The following KIF21A variants were observed in gnomAD, a reference collection of about 807,000 sequenced individuals.
KIF21A encodes kinesin-like protein KIF21A.
KIF21A carries 114 observed loss-of-function variants against 202.9 expected under a neutral mutation model. The observed-to-expected ratio is 0.56, with a 90% CI of 0.48 to 0.66. The LOEUF (loss-of-function observed/expected upper bound fraction) is 0.66. Among genes scored for constraint, KIF21A ranks in the 30% least tolerant of loss-of-function variants. The pLI is 0.00. For synonymous variants in KIF21A, 667 were observed against 670.8 expected (o/e 0.99, Z 0.09); for missense variants, 1,677 against 1,994.9 (o/e 0.84, Z 3.04).
chr12:39,394,834 G>A (rs1009696033), intron 1 of KIF21A, among the ~76,000 whole-genome samples: 2 of 152,160 alleles, frequency 1.3e-5, no homozygotes, highest in African/African-American at 4.8e-5. Context: ...GGGATGGGGG[G>A]CGGGGGAGTT....
intron 1 of KIF21A, among the ~76,000 whole-genome samples, chr12:39,418,032 AC>A (rs1953923569): frequency 6.6e-6 from 1 of 151,966 alleles, no homozygotes; most frequent in Admixed American, 6.6e-5. Context: ...ACATGGTGCA[AC>A]CCCATCTCTA....
chr12:39,349,481 A>G (rs1409364657), intron 11 of KIF21A, among the ~76,000 whole-genome samples: 2 of 152,056 alleles, frequency 1.3e-5, no homozygotes. Context: ...ATGCATCCAA[A>G]CAGGAGCTAT....
chr12:39,395,625 T>G (rs187721512), intron 1 of KIF21A, among the ~76,000 whole-genome samples: 9,610 of 152,086 alleles, frequency 0.063, 1,019 homozygotes, highest in African/African-American at 0.22. Context: ...GCGGGTCTCC[T>G]GAGGTCAGGA....
At position 39,353,502 on chromosome 12, in the gene KIF21A, T is replaced by C. The variant is rs549055637; in HGVS notation, c.1470-1522A>G. 2.0e-5 allele frequency among the ~76,000 whole-genome samples: 3 copies of C among 152,274 alleles called. No individual in the cohort carries two copies. The East Asian group carries it at 5.8e-4, about 29-fold the overall frequency. ...AACTCAAAGTTAAAATTCATGATTA[T>C]CAAACAACAGAAAAGTACAAATAAT... On this transcript the variant is annotated intron_variant, in intron 10 of 37. Coordinates refer to ENST00000361418, the MANE Select transcript of KIF21A (RefSeq NM_001173464.2).
chr12:39,433,247 C>T (rs1938207127), intron 1 of KIF21A, among the ~76,000 whole-genome samples: 1 of 152,202 alleles, frequency 6.6e-6, no homozygotes, highest in South Asian at 2.1e-4. Flanking sequence ...ACAAGATATA[C>T]TTTCTGGTTC....
At chr12:39,441,011 T>C (rs1348465983) in intron 1 of KIF21A, among the ~76,000 whole-genome samples, 1 of 146,472 alleles carries the variant, frequency 6.8e-6, no homozygotes, top group Admixed American at 6.8e-5. Context: ...CAAAACCCTA[T>C]CTCAAAAAAA....
intron 7 of KIF21A, among the ~76,000 whole-genome samples, chr12:39,362,498 TA>T (rs1003989237): frequency 2.6e-4 from 38 of 143,866 alleles, no homozygotes; most frequent in Admixed American, 3.5e-4. Context: ...TACATTACCA[TA>T]AAAAAAAAAG....
chr12:39,367,920 A>C lies in KIF21A; in HGVS notation c.563T>G (p.Val188Gly), dbSNP rs760646186. ...HEDSTGGIYTVGVTTRTVNTE... is the reference protein window; with the variant it reads ...HEDSTGGIYTGGVTTRTVNTE... ...ATTCACAGTACGTGTTGTAACGCCC[A>C]CAGTATAAATTCCTCCAGTTGAATC... Residue 188 changes from valine to glycine, a missense_variant, in exon 4 of 38, where the codon GTG becomes GGG. Val to Gly is a moderately radical substitution (Grantham distance 109). This residue lies in a region of KIF21A where 966 missense variants were observed against 1,180.9 expected (regional missense o/e 0.82). Coordinates refer to ENST00000361418, the MANE Select transcript of KIF21A (RefSeq NM_001173464.2). 5 of 1,609,942 alleles carry C rather than the reference A, an allele frequency of 3.1e-6. No homozygotes were observed. The highest frequency in any genetic ancestry group is 2.7e-5 in the African/African-American group (2 of 74,874).
At position 39,340,260 on chromosome 12, in the gene KIF21A, G is replaced by T; in HGVS notation, c.2215C>A (p.Gln739Lys). The change falls in exon 16 of 38, where the codon CAA becomes AAA. Residue 739 changes from glutamine (Q) to lysine (K), a missense_variant. This residue lies in a region of KIF21A where 966 missense variants were observed against 1,180.9 expected (regional missense o/e 0.82). Transcript: ENST00000361418. Reference protein sequence around the residue: ...NKELQRLQAAQKEHARLLKNQ... With the variant: ...NKELQRLQAAKKEHARLLKNQ... ...TTAAGCAACCTTGCATGTTCTTTTT[G>T]AGCTGCTTGAAGTCTCTGCAGTTCT... 6.2e-7 allele frequency: 1 copy of T among 1,612,814 alleles called. No homozygotes were observed. Among genetic ancestry groups the T allele is most frequent in the Non-Finnish European group, 8.5e-7 (1 of 1,179,480 alleles).
intron 16 of KIF21A, 176 bp from the exon 17 acceptor site, chr12:39,337,379 T>C (rs1947071938): frequency 1.7e-6 from 1 of 586,806 alleles, no homozygotes. Flanking sequence ...ATATTTCTAT[T>C]TCTAATACAT....
At chr12:39,416,425 G>A (rs1395952501) in intron 1 of KIF21A, among the ~76,000 whole-genome samples, 11 of 151,608 alleles carry the variant, frequency 7.3e-5, no homozygotes, top group African/African-American at 2.7e-4. Flanking sequence ...GCGAAACCCC[G>A]TCTCCACTAA....
At position 39,351,812 on chromosome 12, in the gene KIF21A, C is replaced by A. The variant is rs1290382409; in HGVS notation, c.1638G>T (p.Glu546Asp). Reference sequence around the variant, plus strand: ...TCCTCTTTTCTTTTCTTTTCAACTTCTCTAAATCTTTTTTTGCTAGGTCTA... The same window carrying A: ...TCCTCTTTTCTTTTCTTTTCAACTTATCTAAATCTTTTTTTGCTAGGTCTA... ...EIIDLAKKDL[E>D]KLKRKEKRKK... The change falls in exon 11 of 38, where the codon GAG (glutamate) becomes GAT (aspartate). Residue 546 changes from glutamate (E) to aspartate (D), a missense_variant. Coordinates refer to ENST00000361418, the MANE Select transcript of KIF21A (RefSeq NM_001173464.2). 12 of 1,595,814 alleles carry A rather than the reference C, an allele frequency of 7.5e-6. No homozygotes were observed. Among genetic ancestry groups the A allele is most frequent in the Non-Finnish European group, 1.0e-5 (12 of 1,164,608 alleles).
chr12:39,363,695 T>G (rs1949406861), intron 6 of KIF21A, among the ~76,000 whole-genome samples: 1 of 152,200 alleles, frequency 6.6e-6, no homozygotes, highest in Non-Finnish European at 1.5e-5. Context: ...AACAAGGTAT[T>G]CCTATGCAAG....
At chr12:39,358,714 A>G (rs1327331254) in intron 7 of KIF21A, among the ~76,000 whole-genome samples, 1 of 152,222 alleles carries the variant, frequency 6.6e-6, no homozygotes, top group Non-Finnish European at 1.5e-5. Flanking sequence ...CACTTCTTTC[A>G]TTATTTATTC....
At chr12:39,432,356 C>G (rs1938043239) in intron 1 of KIF21A, among the ~76,000 whole-genome samples, 1 of 152,168 alleles carries the variant, frequency 6.6e-6, no homozygotes, top group Non-Finnish European at 1.5e-5. Flanking sequence ...ACTATTCACT[C>G]TCATCAATTC....
intron 1 of KIF21A, among the ~76,000 whole-genome samples, chr12:39,430,639 T>G (rs559310736): frequency 1.3e-5 from 2 of 152,298 alleles, no homozygotes; most frequent in South Asian, 4.1e-4. Flanking sequence ...TATACCATAT[T>G]GGGCAGATTC....
chr12:39,384,990 C>G (rs901218412), intron 1 of KIF21A, among the ~76,000 whole-genome samples: 1 of 147,726 alleles, frequency 6.8e-6, no homozygotes, highest in African/African-American at 2.4e-5. Flanking sequence ...AGGAGAATCT[C>G]TTTCTCCAGT....
rs867816159 is a variant in KIF21A at position 39,432,830 on chromosome 12, C to T, written c.44+10097G>A. Among the ~76,000 whole-genome samples the T allele has an allele frequency of 9.2e-5, 14 of 152,222 alleles. No homozygotes were observed. In the South Asian group the frequency reaches 2.5e-3, roughly 27 times the overall value. On this transcript the variant is annotated intron_variant, in intron 1 of 37. Coordinates refer to ENST00000361418, the MANE Select transcript of KIF21A (RefSeq NM_001173464.2). ...TTCACCATGCTGGCCGGGCTGGTCT[C>T]AGACTTCTGACCTCAAGTGATCTGC...
intron 1 of KIF21A, among the ~76,000 whole-genome samples, chr12:39,431,815 A>G (rs1482173351): frequency 1.3e-5 from 2 of 152,242 alleles, no homozygotes; most frequent in Non-Finnish European, 2.9e-5. Context: ...AACAAAATAG[A>G]TAAGAATATT....
Sources: gnomAD v4.1 joint callset for allele counts (sites outside exome capture counted in the v4.1 genomes callset) on GRCh38, gnomAD v4.1.1 for gene constraint, gnomAD v4.1.1 regional missense constraint, MANE v1.5 for transcripts, NCBI Gene and HGNC (gene_info 2026-07-23, HGNC 2026-07-21) for gene names.